MCTP2: variants seen among roughly 807,000 people sequenced by gnomAD.
MCTP2 encodes multiple C2 and transmembrane domain containing 2, also known as multiple C2 and transmembrane domain-containing protein 2.
A neutral mutation model predicts 111.6 loss-of-function variants in MCTP2; 132 were observed. That is an observed-to-expected ratio of 1.18 (90% CI 1.03 to 1.37). MCTP2 has a LOEUF of 1.37. Among genes scored for constraint, MCTP2 ranks in the 40% most tolerant of loss-of-function variants. The pLI is 0.00. For missense variants in MCTP2, 1,183 were observed against 1,067.9 expected (o/e 1.11, Z -1.50); for synonymous variants, 395 against 387.7 (o/e 1.02, Z -0.22).
At chr15:94,289,495 T>C (rs1351597798) in intron 1 of MCTP2, among the ~76,000 whole-genome samples, 1 of 152,096 alleles carries the variant, frequency 6.6e-6, no homozygotes, top group Non-Finnish European at 1.5e-5. Context: ...TGAGAAATGG[T>C]ACAAGAAGGA....
At chr15:94,247,793 A>G (rs1391904860) in intron 1 of MCTP2, among the ~76,000 whole-genome samples, 1 of 152,182 alleles carries the variant, frequency 6.6e-6, no homozygotes, top group Non-Finnish European at 1.5e-5. Context: ...CTTTAGGTTG[A>G]TGAACTCCAC....
At chr15:94,339,582 T>A (rs2077530355) in intron 5 of MCTP2, 150 bp downstream of exon 5, 2 of 507,376 alleles carry the variant, frequency 3.9e-6, no homozygotes, top group East Asian at 6.4e-5. Context: ...TTATACTGTT[T>A]GTTGAAACTG....
intron 19 of MCTP2, among the ~76,000 whole-genome samples, chr15:94,453,114 A>C (rs1361969209): frequency 6.6e-6 from 1 of 152,172 alleles, no homozygotes; most frequent in Non-Finnish European, 1.5e-5. Flanking sequence ...TTTTTAAACT[A>C]TTGTATTTAA....
chr15:94,465,817 C>CTCTTGCTATTCTTTTAGGAAACAT (rs1203475449), intron 20 of MCTP2, among the ~76,000 whole-genome samples: 6 of 152,144 alleles, frequency 3.9e-5, no homozygotes, highest in African/African-American at 1.2e-4. Flanking sequence ...AATTGAAACA[C>CTCTTGCTATTCTTTTAGGAAACAT]TCTTGCTATT....
At chr15:94,349,964 G>A (rs763671827) in intron 8 of MCTP2, among the ~76,000 whole-genome samples, 9 of 152,134 alleles carry the variant, frequency 5.9e-5, no homozygotes, top group South Asian at 2.1e-4. Context: ...CTTGCTTTTC[G>A]GTGTGTCCCC....
chr15:94,268,197 T>TTTG, intron 1 of MCTP2, among the ~76,000 whole-genome samples: 1 of 148,594 alleles, frequency 6.7e-6, no homozygotes. Context: ...TTTTTTTTTT[T>TTTG]TGAGACAGAG....
At chr15:94,243,144 T>G (rs1350307776) in intron 1 of MCTP2, among the ~76,000 whole-genome samples, 3 of 105,044 alleles carry the variant, frequency 2.9e-5, no homozygotes, top group African/African-American at 3.8e-5. Flanking sequence ...TGTGGATATA[T>G]TTATATACGT....
At chr15:94,241,862 T>TAAAA (rs142464797) in intron 1 of MCTP2, among the ~76,000 whole-genome samples, 3,971 of 152,224 alleles carry the variant, frequency 0.026, 142 homozygotes, top group African/African-American at 0.09. Flanking sequence ...AAATGTCATT[T>TAAAA]AAATTATCCT....
chr15:94,305,885 T>C (rs142653539), intron 2 of MCTP2, among the ~76,000 whole-genome samples: 2 of 152,306 alleles, frequency 1.3e-5, no homozygotes, highest in East Asian at 1.9e-4. Flanking sequence ...TTTCTTCTTA[T>C]CTAGTTTTTT....
chr15:94,386,017 A>T (rs1002499839), intron 14 of MCTP2, among the ~76,000 whole-genome samples: 1 of 152,204 alleles, frequency 6.6e-6, no homozygotes, highest in Non-Finnish European at 1.5e-5. Flanking sequence ...TGGTCTCAAA[A>T]TTTAAAAATG....
At chr15:94,357,753 G>A (rs2078709761) in intron 9 of MCTP2, among the ~76,000 whole-genome samples, 1 of 152,098 alleles carries the variant, frequency 6.6e-6, no homozygotes, top group Admixed American at 6.6e-5. Context: ...CTAATACTCT[G>A]GGACCAACAT....
chr15:94,366,931 G>C (rs2079213701), intron 10 of MCTP2, among the ~76,000 whole-genome samples: 1 of 152,160 alleles, frequency 6.6e-6, no homozygotes, highest in Admixed American at 6.5e-5. Context: ...TGGCTGTTAA[G>C]AGGCGGAAAA....
intron 12 of MCTP2, among the ~76,000 whole-genome samples, chr15:94,373,035 C>T (rs970911396): frequency 6.6e-6 from 1 of 152,124 alleles, no homozygotes; most frequent in Non-Finnish European, 1.5e-5. Flanking sequence ...GTAGTCCATA[C>T]GGAGGTTATA....
In MCTP2 at chr15:94,263,599, C is replaced by T. The variant is rs147156493; in HGVS notation, c.-66+31935C>T. The stretch of plus-strand genomic sequence containing the variant: ...TTCTGTCCTTAGGAACACCAGACAA[C>T]ACTACAGCTTTATGCTAGGGAACCA... On this transcript the variant is annotated intron_variant, in intron 1 of 22. Transcript: ENST00000357742. Among the ~76,000 whole-genome samples, 25 of 152,326 alleles carry T rather than the reference C, an allele frequency of 1.6e-4. No individual in the cohort carries two copies. The East Asian group carries it at 2.9e-3, about 18-fold the overall frequency.
chr15:94,243,394 T>C (rs202002838), intron 1 of MCTP2, among the ~76,000 whole-genome samples: 2,510 of 135,206 alleles, frequency 0.019, 255 homozygotes, highest in Admixed American at 0.059. Flanking sequence ...CGTATGCGTA[T>C]ATGCGTATGT....
intron 11 of MCTP2, 69 bp downstream of exon 11, chr15:94,367,860 A>G (rs1370936545): frequency 7.5e-7 from 1 of 1,338,990 alleles, no homozygotes; most frequent in African/African-American, 1.5e-5. Context: ...GTCTTTATTG[A>G]AACAAAGTCT....
At position 94,367,615 on chromosome 15, in the gene MCTP2, G is replaced by A; in HGVS notation, c.1312G>A (p.Asp438Asn). 1 of 1,606,904 alleles carries A rather than the reference G, an allele frequency of 6.2e-7. No individual in the cohort carries two copies. The highest frequency in any genetic ancestry group is 8.5e-7 in the Non-Finnish European group (1 of 1,176,912). The change falls in exon 11 of 23, where the codon GAT becomes AAT. Residue 438 changes from aspartate to asparagine, a missense_variant. Physicochemically the swap from Asp to Asn is conservative, Grantham distance 23. Transcript: ENST00000357742. ...HEERLGTCKVDISALPLKQAN... is the reference protein window; with the variant it reads ...HEERLGTCKVNISALPLKQAN... ...CTGAAACTTTTCTAGGTGTAAAGTGGATATCTCGGCACTCCCTCTGAAGCA... is the reference window on the plus strand; with the variant it reads ...CTGAAACTTTTCTAGGTGTAAAGTGAATATCTCGGCACTCCCTCTGAAGCA...
At chr15:94,243,725 A>G (rs1231494510) in intron 1 of MCTP2, among the ~76,000 whole-genome samples, 59 of 111,966 alleles carry the variant, frequency 5.3e-4, no homozygotes, top group South Asian at 3.8e-3. Flanking sequence ...GTATACACAT[A>G]CATATGTGTA....
Position 94,480,583 on chromosome 15 carries a change from C to A in MCTP2, c.*1549C>A, listed in dbSNP as rs1028935061. The A allele has an allele frequency of 6.6e-6, 1 of 152,194 alleles. No individual in the cohort carries two copies. The highest frequency in any genetic ancestry group is 1.5e-5 in the Non-Finnish European group (1 of 68,032). 9.4% of individuals were successfully genotyped at this position (152,194 alleles called of 1,614,324 possible). On this transcript the variant is annotated 3_prime_UTR_variant, in exon 23 of 23. Transcript: ENST00000357742. ...GTACATACAATAGATACCCAAGAAC[C>A]TCTTTTGTTAAACCAGTTACTCAAT... is the stretch of plus-strand genomic sequence containing the variant.
Sources: allele counts gnomAD v4.1 joint callset (sites outside exome capture counted in the v4.1 genomes callset), GRCh38; gene constraint gnomAD v4.1.1; transcripts MANE v1.5; gene names NCBI Gene and HGNC (gene_info 2026-07-23, HGNC 2026-07-21).